RERE: variants seen among roughly 807,000 people sequenced by gnomAD.
RERE encodes the protein arginine-glutamic acid dipeptide repeats protein.
RERE carries 40 observed loss-of-function variants against 146.1 expected under a neutral mutation model. The observed-to-expected ratio is 0.27, with a 90% confidence interval of 0.21 to 0.36. The LOEUF is 0.36. Ranked by LOEUF, RERE falls within the 10% of genes least tolerant of loss-of-function variation. The pLI is 1.00. For synonymous variants in RERE, 1,003 were observed against 866.0 expected, an observed-to-expected ratio of 1.16 and a Z score of -2.78; for missense variants, 1,933 against 2,138.7, an observed-to-expected ratio of 0.90 and a Z score of 1.90.
chr1:8,731,290 T>C (rs1222963278), intron 1 of RERE, among the ~76,000 whole-genome samples: 1 of 152,142 alleles, frequency 6.6e-6, no homozygotes, highest in Non-Finnish European at 1.5e-5. Context: ...AAAAATCCCC[T>C]CGTATTTTAG....
chr1:8,360,146 C>T lies in RERE; in HGVS notation c.3361G>A (p.Val1121Met). 6.3e-7 allele frequency: 1 copy of T among 1,595,074 alleles called. No individual in the cohort carries two copies. Among genetic ancestry groups the T allele is most frequent in the Non-Finnish European group, 8.5e-7 (1 of 1,170,666 alleles). The change falls in exon 18 of 23, where the codon GTG becomes ATG. Residue 1121 changes from valine (V) to methionine (M), a missense_variant. Val to Met is a conservative substitution (Grantham distance 21). Coordinates refer to ENST00000400908, the MANE Select transcript of RERE (RefSeq NM_001042681.2). ...TGGCTGGCGTGACTGGGGGTGTCCA[C>T]CACAGTGGGCTCCGGGGACGGGCTC... ...PRSPSPEPTV[V>M]DTPSHASQSA...
chr1:8,735,706 C>T (rs1005783121), intron 1 of RERE, among the ~76,000 whole-genome samples: 3 of 152,092 alleles, frequency 2.0e-5, no homozygotes, highest in African/African-American at 7.2e-5. Flanking sequence ...TAGCACCATC[C>T]CCTCGGTGCG....
chr1:8,366,929 CAA>C (rs1292789143), intron 12 of RERE, among the ~76,000 whole-genome samples: 1 of 84,306 alleles, frequency 1.2e-5, no homozygotes, highest in Non-Finnish European at 2.4e-5. Context: ...AAAAAAAAAA[CAA>C]AAAAAAAAAA....
intron 1 of RERE, among the ~76,000 whole-genome samples, chr1:8,784,685 TAAGGAA>T (rs1252279761): frequency 1.3e-5 from 2 of 152,134 alleles, no homozygotes; most frequent in Non-Finnish European, 2.9e-5. Flanking sequence ...TTTAAGTGGT[TAAGGAA>T]AAGGGAATTC....
intron 2 of RERE, among the ~76,000 whole-genome samples, chr1:8,639,024 C>T (rs538899797): frequency 1.5e-3 from 233 of 152,108 alleles, no homozygotes; most frequent in African/African-American, 5.2e-3. Flanking sequence ...CCTCCCATCT[C>T]GGCCTCCCAA....
intron 1 of RERE, among the ~76,000 whole-genome samples, chr1:8,747,065 G>GCT (rs1640436529): frequency 1.3e-5 from 2 of 151,766 alleles, no homozygotes; most frequent in African/African-American, 4.8e-5. Context: ...AGGCTGGAGC[G>GCT]ATCTTGGCTC....
intron 1 of RERE, among the ~76,000 whole-genome samples, chr1:8,687,945 C>T (rs1361743169): frequency 3.3e-5 from 5 of 152,180 alleles, no homozygotes; most frequent in African/African-American, 9.7e-5. Context: ...GATTATCTAA[C>T]AGCATTCAAT....
intron 12 of RERE, among the ~76,000 whole-genome samples, chr1:8,384,856 C>T (rs1368245332): frequency 6.6e-6 from 1 of 152,250 alleles, no homozygotes; most frequent in Non-Finnish European, 1.5e-5. Flanking sequence ...TCCTGAGTGG[C>T]AGAGGGCAAC....
intron 12 of RERE, among the ~76,000 whole-genome samples, chr1:8,366,450 T>TA (rs1641807032): frequency 6.6e-6 from 1 of 152,176 alleles, no homozygotes; most frequent in South Asian, 2.1e-4. Context: ...CCCGGCCAGT[T>TA]AGACTCCCCC....
At chr1:8,534,011 G>A (rs1214265718) in intron 7 of RERE, among the ~76,000 whole-genome samples, 1 of 152,162 alleles carries the variant, frequency 6.6e-6, no homozygotes, top group Non-Finnish European at 1.5e-5. Flanking sequence ...AAATGTTTCT[G>A]AGAATTCAAA....
chr1:8,439,436 G>A (rs1337597349), intron 11 of RERE, among the ~76,000 whole-genome samples: 1 of 152,216 alleles, frequency 6.6e-6, no homozygotes, highest in Non-Finnish European at 1.5e-5. Flanking sequence ...GTGTGTGGAG[G>A]AATCAACTGC....
chr1:8,750,328 A>G (rs551830333), intron 1 of RERE: 6 of 586,222 alleles, frequency 1.0e-5, no homozygotes, highest in African/African-American at 9.3e-5. Context: ...CTTGGGTGGT[A>G]AAGTGCTACA....
intron 1 of RERE, among the ~76,000 whole-genome samples, chr1:8,664,130 TC>T (rs899419571): frequency 2.6e-5 from 4 of 152,286 alleles, no homozygotes; most frequent in Admixed American, 1.3e-4. Flanking sequence ...GTGAAGCAAC[TC>T]CCACTCAAGC....
chr1:8,746,163 T>C (rs541331824), intron 1 of RERE, among the ~76,000 whole-genome samples: 33 of 152,358 alleles, frequency 2.2e-4, no homozygotes, highest in African/African-American at 7.9e-4. Flanking sequence ...GAATTATTTG[T>C]TGCCTTCAGG....
chr1:8,787,183 A>G (rs186933527), intron 1 of RERE, among the ~76,000 whole-genome samples: 3 of 152,312 alleles, frequency 2.0e-5, no homozygotes, highest in Admixed American at 2.0e-4. Context: ...CCAAACCAGC[A>G]GGCTTCCACC....
At chr1:8,795,293 G>C (rs1482203793) in intron 1 of RERE, among the ~76,000 whole-genome samples, 2 of 151,610 alleles carry the variant, frequency 1.3e-5, no homozygotes, top group African/African-American at 4.8e-5. Context: ...CAAAGTGCTG[G>C]GATTACAGGT....
intron 12 of RERE, among the ~76,000 whole-genome samples, chr1:8,380,258 AG>A (rs1642400482): frequency 6.6e-6 from 1 of 152,094 alleles, no homozygotes; most frequent in South Asian, 2.1e-4. Flanking sequence ...TAACAGCCTC[AG>A]AGCAAGCCAT....
chr1:8,479,376 G>C (rs1479312037), intron 10 of RERE, among the ~76,000 whole-genome samples: 1 of 151,776 alleles, frequency 6.6e-6, no homozygotes, highest in Non-Finnish European at 1.5e-5. Flanking sequence ...CATTTTAACT[G>C]TGGTAGGCCA....
chr1:8,539,651 G>A (rs530746684), intron 7 of RERE, among the ~76,000 whole-genome samples: 12 of 152,196 alleles, frequency 7.9e-5, no homozygotes, highest in South Asian at 4.2e-4. Context: ...CGATCCGCCC[G>A]CCTTGGCCTC....
Sources: allele counts gnomAD v4.1 joint callset (sites outside exome capture counted in the v4.1 genomes callset), GRCh38; gene constraint gnomAD v4.1.1; transcripts MANE v1.5; gene names NCBI Gene and HGNC (gene_info 2026-07-23, HGNC 2026-07-21).